RRBP1: variants seen among roughly 807,000 people sequenced by gnomAD.
The protein encoded by RRBP1 is ribosome-binding protein 1.
In RRBP1, 94 loss-of-function variants were observed where a neutral mutation model predicts 165.2. The observed-to-expected ratio is 0.57, with a 90% CI of 0.48 to 0.68. The LOEUF (loss-of-function observed/expected upper bound fraction) is 0.68, where lower values mean the gene tolerates loss of function less well. RRBP1 is among the 30% of genes least tolerant of loss of function. RRBP1 has a pLI of 0.00. For missense variants in RRBP1, 1,676 were observed against 1,763.0 expected (o/e 0.95, Z 0.88); for synonymous variants, 680 against 714.5 (o/e 0.95, Z 0.77).
rs112642316 is a variant in RRBP1 at position 17,643,100 on chromosome 20, T to C, written c.1940A>G (p.Tyr647Cys). 7 of 1,613,112 alleles carry C rather than the reference T, an allele frequency of 4.3e-6. No individual in the cohort carries two copies. The highest frequency in any genetic ancestry group is 5.9e-6 in the Non-Finnish European group (7 of 1,179,776). The change falls in exon 4 of 25, where the codon TAC becomes TGC. Residue 647 changes from tyrosine (Y) to cysteine (C), a missense_variant. Transcript: ENST00000377813. The surrounding 1 kb of genome is among the most constrained non-coding windows in gnomAD (Gnocchi z 4.3). ...GGAGACCAGCGTCTTGTAGGGGAGGTAGAGAGGGCCGTCGGCATCTGGGGG... is the reference window on the plus strand; with the variant it reads ...GGAGACCAGCGTCTTGTAGGGGAGGCAGAGAGGGCCGTCGGCATCTGGGGG... ...PGPPDADGPLYLPYKTLVSTV... is the reference protein window; with the variant it reads ...PGPPDADGPLCLPYKTLVSTV...
intron 5 of RRBP1, among the ~76,000 whole-genome samples, chr20:17,639,428 T>A (rs892704047): frequency 1.1e-4 from 17 of 152,220 alleles, no homozygotes; most frequent in Non-Finnish European, 2.5e-4. Flanking sequence ...AAAACTTCTC[T>A]ACAAGGACAA....
chr20:17,618,108 T>C (rs1213563128), intron 20 of RRBP1, among the ~76,000 whole-genome samples: 2 of 152,336 alleles, frequency 1.3e-5, no homozygotes, highest in East Asian at 3.9e-4. Flanking sequence ...GAGCAGGTCT[T>C]CCCTGCATGC....
Position 17,627,522 on chromosome 20 carries a change from C to T in RRBP1, c.2910G>A (p.Arg970=). Residue 970 remains arginine, a synonymous_variant, in exon 10 of 25, where the codon CGG becomes CGA. Coordinates refer to ENST00000377813, the MANE Select transcript of RRBP1 (RefSeq NM_001365613.2). ...IEALLEAGQA[R]DAQDVQASQA... is the part of the protein sequence containing the mutation. ...GGCTGACCTGGACGTCCTGGGCATC[C>T]CGCGCCTGGCCCGCCTCCAGCAGGG... is the stretch of plus-strand genomic sequence containing the variant. 6.2e-7 allele frequency: 1 copy of T among 1,611,238 alleles called. No homozygotes were observed. The highest frequency in any genetic ancestry group is 8.5e-7 in the Non-Finnish European group (1 of 1,178,690).
intron 5 of RRBP1, among the ~76,000 whole-genome samples, chr20:17,639,551 CACA>C (rs1220016134): frequency 3.3e-5 from 5 of 152,186 alleles, no homozygotes; most frequent in Non-Finnish European, 5.9e-5. Context: ...TTTACTGTCT[CACA>C]ACATTTCCCT....
chr20:17,651,777 G>A (rs560009676), intron 3 of RRBP1, among the ~76,000 whole-genome samples: 1 of 152,344 alleles, frequency 6.6e-6, no homozygotes, highest in East Asian at 1.9e-4. Flanking sequence ...ATAATAAATT[G>A]TAAAAGGCAA....
Position 17,644,675 on chromosome 20 carries a change from G to A in RRBP1, c.1913-1548C>T, listed in dbSNP as rs527415821. Among the ~76,000 whole-genome samples, 38 of 152,280 alleles carry A rather than the reference G, an allele frequency of 2.5e-4. No homozygotes were observed. In the South Asian group the frequency reaches 3.5e-3, roughly 14 times the overall value. On this transcript the variant is annotated intron_variant, in intron 3 of 24. Coordinates refer to ENST00000377813, the MANE Select transcript of RRBP1 (RefSeq NM_001365613.2). ...CTCCTGACTCAGAAAAGCGTCCTGCGCCGTCCGATGTGCTGGGCACCAGCC... is the reference window on the plus strand; with the variant it reads ...CTCCTGACTCAGAAAAGCGTCCTGCACCGTCCGATGTGCTGGGCACCAGCC...
chr20:17,681,363 G>A (rs1600198750), intron 1 of RRBP1, among the ~76,000 whole-genome samples: 1 of 147,916 alleles, frequency 6.8e-6, no homozygotes, highest in East Asian at 2.0e-4. Context: ...GCCGCCCGGC[G>A]TCCGTGCCAT....
chr20:17,619,621 G>C lies in RRBP1; in HGVS notation c.3675+12C>G, dbSNP rs1568752673. 1 of 1,597,514 alleles carries C rather than the reference G, an allele frequency of 6.3e-7. No individual in the cohort carries two copies. Among genetic ancestry groups the C allele is most frequent in the African/African-American group, 1.3e-5 (1 of 74,830 alleles). On this transcript the variant is annotated intron_variant, in intron 19 of 24. Coordinates refer to ENST00000377813, the MANE Select transcript of RRBP1 (RefSeq NM_001365613.2). ...CTGGGCAGGGGCTGCACTCCTTGGGGGGCAGACTCACCCCTGCCACCTCCT... is the reference window on the plus strand; with the variant it reads ...CTGGGCAGGGGCTGCACTCCTTGGGCGGCAGACTCACCCCTGCCACCTCCT...
chr20:17,614,847 C>T lies in RRBP1; in HGVS notation c.4084G>A (p.Asp1362Asn), dbSNP rs568168782. 6.2e-7 allele frequency: 1 copy of T among 1,613,798 alleles called. No individual in the cohort carries two copies. The highest frequency in any genetic ancestry group is 8.5e-7 in the Non-Finnish European group (1 of 1,180,008). ...AGTCTCGTGGCGGCGCGCCCCAGGT[C>T]ACTTGTTAACTTCTTCTCTTTTTCT... ...RLEKEKKLTSDLGRAATRLQE... is the reference protein window; with the variant it reads ...RLEKEKKLTSNLGRAATRLQE... Residue 1362 changes from aspartate to asparagine, a missense_variant, in exon 24 of 25, where the codon GAC becomes AAC. Coordinates refer to ENST00000377813, the MANE Select transcript of RRBP1 (RefSeq NM_001365613.2).
chr20:17,633,230 G>C (rs1201146826), intron 8 of RRBP1, among the ~76,000 whole-genome samples: 2 of 152,200 alleles, frequency 1.3e-5, no homozygotes, highest in Admixed American at 6.5e-5. Context: ...AAAATGCTCA[G>C]AACAGTGCTT....
At chr20:17,681,310 G>A (rs1165206371) in intron 1 of RRBP1, among the ~76,000 whole-genome samples, 8 of 146,008 alleles carry the variant, frequency 5.5e-5, no homozygotes, top group Admixed American at 4.7e-4. Flanking sequence ...CCGCCAGGGG[G>A]AGCAGGGAGC....
intron 22 of RRBP1, 146 bp from the exon 23 acceptor site, chr20:17,615,675 A>T: frequency 1.5e-6 from 1 of 664,530 alleles, no homozygotes; most frequent in Non-Finnish European, 2.5e-6. Context: ...TGAGTGGGCC[A>T]GACCCACAAG....
chr20:17,630,675 C>T (rs2036131564), intron 8 of RRBP1, among the ~76,000 whole-genome samples: 1 of 152,172 alleles, frequency 6.6e-6, no homozygotes, highest in Non-Finnish European at 1.5e-5. Context: ...GTAAAGGATT[C>T]CCACACACTG....
chr20:17,636,466 A>T (rs1195896457), intron 6 of RRBP1, 111 bp downstream of exon 6: 1 of 1,309,094 alleles, frequency 7.6e-7, no homozygotes, highest in African/African-American at 1.5e-5. Flanking sequence ...CCCTGTGGGC[A>T]TCCTCAACCC....
At chr20:17,628,804 G>C (rs922698566) in intron 9 of RRBP1, among the ~76,000 whole-genome samples, 1 of 152,242 alleles carries the variant, frequency 6.6e-6, no homozygotes, top group Non-Finnish European at 1.5e-5. Flanking sequence ...TGGAGCAGGG[G>C]CCGGGAAGCT....
intron 2 of RRBP1, among the ~76,000 whole-genome samples, chr20:17,677,069 A>G (rs561873477): frequency 0.011 from 486 of 44,122 alleles, 2 homozygotes; most frequent in African/African-American, 0.022. Context: ...GATTTTAGTG[A>G]AAAAAAAAAA....
chr20:17,626,438 A>G (rs1324851156), intron 11 of RRBP1, among the ~76,000 whole-genome samples: 2 of 152,172 alleles, frequency 1.3e-5, no homozygotes, highest in Admixed American at 1.3e-4. Flanking sequence ...CCAGTCCCCA[A>G]GCCGCAGAGC....
intron 2 of RRBP1, among the ~76,000 whole-genome samples, chr20:17,675,112 C>T (rs1374123547): frequency 1.3e-5 from 2 of 152,252 alleles, no homozygotes; most frequent in Non-Finnish European, 2.9e-5. Flanking sequence ...CCAACATCCA[C>T]ATCGTCTCCT....
chr20:17,621,521 G>T lies in RRBP1; in HGVS notation c.3351C>A (p.Ala1117=), dbSNP rs61733414. 1.9e-6 allele frequency: 3 copies of T among 1,612,698 alleles called. No homozygotes were observed. Among genetic ancestry groups the T allele is most frequent in the Non-Finnish European group, 2.5e-6 (3 of 1,179,868 alleles). Residue 1117 remains alanine, a synonymous_variant, in exon 16 of 25, where the codon GCC becomes GCA. Transcript: ENST00000377813. The part of the protein sequence containing the change: ...SSDLASKLRE[A]EETQSTLQAE... ...CCTGCAGTGTGCTCTGCGTCTCCTC[G>T]GCCTCCCTCAACTTGGAGGCCAGGT...
Sources: gnomAD v4.1 joint callset for allele counts (sites outside exome capture counted in the v4.1 genomes callset) on GRCh38, gnomAD v4.1.1 for gene constraint, Gnocchi (gnomAD v3.1) non-coding constraint, MANE v1.5 for transcripts, NCBI Gene and HGNC (gene_info 2026-07-23, HGNC 2026-07-21) for gene names.